Variants in MYRFL observed in about 807,000 individuals in gnomAD.
MYRFL encodes the protein myelin regulatory factor-like protein.
Under a neutral mutation model 109.4 loss-of-function variants are expected in MYRFL, and 88 were observed. That is an observed-to-expected ratio of 0.80 (90% CI 0.68 to 0.96). The LOEUF (loss-of-function observed/expected upper bound fraction) is 0.96. Among genes scored for constraint, MYRFL ranks in the 40% least tolerant of loss-of-function variants. The probability of loss-of-function intolerance (pLI) is 0.00; values close to 1 mark genes in which losing one functional copy is unlikely to be tolerated. For synonymous variants in MYRFL, 324 were observed against 320.9 expected (o/e 1.01, Z -0.10); for missense variants, 957 against 954.9 (o/e 1.00, Z -0.03).
intron 10 of MYRFL, among the ~76,000 whole-genome samples, chr12:69,899,447 T>G (rs1398504587): frequency 6.6e-6 from 1 of 151,764 alleles, no homozygotes; most frequent in African/African-American, 2.4e-5. Context: ...CAGCCAACAT[T>G]CTACAAAAGA....
chr12:69,873,843 CT>C (rs71094745), intron 2 of MYRFL, among the ~76,000 whole-genome samples: 147,528 of 149,892 alleles, frequency 0.98, 72,633 homozygotes, highest in Middle Eastern at 1. Flanking sequence ...ATTTGTCTGT[CT>C]TTTTTTTTTT....
intron 5 of MYRFL, among the ~76,000 whole-genome samples, chr12:69,883,615 C>A (rs892947703): frequency 1.3e-5 from 2 of 151,360 alleles, no homozygotes; most frequent in African/African-American, 4.9e-5. Flanking sequence ...GTAATCTCAG[C>A]ACTTTGGGAG....
chr12:69,831,736 C>G (rs556710954), intron 1 of MYRFL, among the ~76,000 whole-genome samples: 1 of 152,152 alleles, frequency 6.6e-6, no homozygotes, highest in East Asian at 1.9e-4. Flanking sequence ...GATTTCTATC[C>G]TTGTATGAGA....
intron 1 of MYRFL, among the ~76,000 whole-genome samples, chr12:69,852,546 G>T (rs1883934655): frequency 6.8e-6 from 1 of 147,592 alleles, no homozygotes. Context: ...TAGCTCAAAG[G>T]CTTGCAGGCA....
chr12:69,834,107 G>A, intron 1 of MYRFL, among the ~76,000 whole-genome samples: 1 of 152,122 alleles, frequency 6.6e-6, no homozygotes, highest in Non-Finnish European at 1.5e-5. Flanking sequence ...ACAGAGGAAA[G>A]TTAGGCAGCA....
rs1055806187 is a variant in MYRFL at position 69,879,040 on chromosome 12, C to G, written c.150C>G (p.Leu50=). 3 of 702,870 alleles carry G rather than the reference C, an allele frequency of 4.3e-6. No homozygotes were observed. The highest frequency in any genetic ancestry group is 3.5e-5 in the African/African-American group (2 of 57,262). 43.5% of individuals were successfully genotyped at this position (702,870 alleles called of 1,614,324 possible). A position where few individuals can be genotyped will look rare whatever the true frequency, so the allele number is the denominator to read the frequency against. ...CTCTAATCTTCAGGCAACGCCAGCT[C>G]CCAGACACCCCGCCCTATTCTGCAT... The part of the protein sequence containing the change: ...DFDLGALQRQ[L]PDTPPYSASD... Residue 50 remains leucine, a synonymous_variant, in exon 3 of 25, where the codon CTC becomes CTG. Coordinates refer to ENST00000552032, the MANE Select transcript of MYRFL (RefSeq NM_182530.3).
intron 11 of MYRFL, chr12:69,904,324 A>C: frequency 6.6e-6 from 1 of 152,408 alleles, no homozygotes; most frequent in Non-Finnish European, 1.5e-5. Context: ...TTCTCTAGGA[A>C]CTCTTGAGAA....
intron 19 of MYRFL, among the ~76,000 whole-genome samples, chr12:69,947,590 A>G (rs574753691): frequency 1.1e-4 from 16 of 152,342 alleles, no homozygotes; most frequent in South Asian, 4.1e-4. Context: ...CAGGAGAGTT[A>G]GATATTAAAA....
chr12:69,879,337 C>A lies in MYRFL; in HGVS notation c.348C>A (p.Gly116=), dbSNP rs1885907527. The part of the protein sequence containing the change: ...GMGDSCQIHG[G]FHSCHSNASH... ...GCGACTCCTGCCAAATCCACGGAGG[C>A]TTTCACAGCTGCCACTCAAACGCCA... Residue 116 remains glycine, a synonymous_variant, in exon 4 of 25, where the codon GGC becomes GGA. Coordinates refer to ENST00000552032, the MANE Select transcript of MYRFL (RefSeq NM_182530.3). 1.4e-6 allele frequency: 1 copy of A among 702,882 alleles called. No individual in the cohort carries two copies. The highest frequency in any genetic ancestry group is 2.6e-6 in the Non-Finnish European group (1 of 384,854). 43.5% of individuals were successfully genotyped at this position (702,882 alleles called of 1,614,324 possible).
intron 7 of MYRFL, among the ~76,000 whole-genome samples, chr12:69,891,600 T>TCTCTTTCTTTCTTTCTTTCCTCCTTC (rs1555249246): frequency 3.0e-5 from 4 of 134,798 alleles, no homozygotes; most frequent in South Asian, 5.0e-4. Context: ...TTTCTTTCTT[T>TCTCTTTCTTTCTTTCTTTCCTCCTTC]CTTTCTCTTT....
At chr12:69,854,333 T>C (rs899890803) in intron 1 of MYRFL, among the ~76,000 whole-genome samples, 2 of 95,448 alleles carry the variant, frequency 2.1e-5, no homozygotes, top group Non-Finnish European at 4.8e-5. Context: ...AGGGAGACCG[T>C]GGAGGGGGAG....
intron 22 of MYRFL, among the ~76,000 whole-genome samples, chr12:69,956,890 G>A (rs574841254): frequency 6.6e-6 from 1 of 152,124 alleles, no homozygotes; most frequent in South Asian, 2.1e-4. Flanking sequence ...TGAGTAACCT[G>A]GAATAACATT....
At chr12:69,828,321 A>G (rs1565956179) in intron 1 of MYRFL, among the ~76,000 whole-genome samples, 2 of 152,148 alleles carry the variant, frequency 1.3e-5, no homozygotes, top group East Asian at 3.8e-4. Flanking sequence ...TGGGGGATCA[A>G]TAGTTTCAGT....
chr12:69,895,510 G>A, intron 9 of MYRFL, 29 bp downstream of exon 9: 4 of 1,521,436 alleles, frequency 2.6e-6, no homozygotes, highest in Non-Finnish European at 3.5e-6. Context: ...GCATGGCAGT[G>A]TGGCTGGGTA....
chr12:69,956,722 T>G (rs1312821175), intron 22 of MYRFL, among the ~76,000 whole-genome samples: 1 of 152,154 alleles, frequency 6.6e-6, no homozygotes, highest in Non-Finnish European at 1.5e-5. Context: ...ACTTTGCCTC[T>G]GTGAGGAACC....
intron 13 of MYRFL, among the ~76,000 whole-genome samples, chr12:69,916,405 T>C (rs1257407691): frequency 6.6e-6 from 1 of 152,180 alleles, no homozygotes; most frequent in Middle Eastern, 3.2e-3. Context: ...ACTGAAAGTG[T>C]GGCCAAGGGA....
chr12:69,903,796 G>C lies in MYRFL; in HGVS notation c.1335G>C (p.Gly445=). 1.3e-6 allele frequency: 2 copies of C among 1,535,462 alleles called. No individual in the cohort carries two copies. Among genetic ancestry groups the C allele is most frequent in the Non-Finnish European group, 1.7e-6 (2 of 1,146,526 alleles). The change falls in exon 11 of 25, where the codon GGG becomes GGC. Residue 445 remains glycine (G), a synonymous_variant. Transcript: ENST00000552032. Reference sequence around the variant, plus strand: ...TCTGTGGCAACATGAAAGTGATGGGGACCATCATGCATCCCTCTGACAGCC... The same window carrying C: ...TCTGTGGCAACATGAAAGTGATGGGCACCATCATGCATCCCTCTGACAGCC... The part of the protein sequence containing the change: ...LVVCGNMKVM[G]TIMHPSDSRA...
chr12:69,874,976 A>C (rs1458309740), intron 2 of MYRFL, among the ~76,000 whole-genome samples: 224 of 151,154 alleles, frequency 1.5e-3, no homozygotes, highest in Non-Finnish European at 2.5e-3. Flanking sequence ...TAAAGATATA[A>C]ATGTATATAT....
At chr12:69,917,449 G>A (rs1026948789) in intron 13 of MYRFL, among the ~76,000 whole-genome samples, 24 of 133,124 alleles carry the variant, frequency 1.8e-4, no homozygotes, top group African/African-American at 6.4e-4. Context: ...AAATTTATGC[G>A]TTTTAAAACT....
Sources: gnomAD v4.1 joint callset for allele counts (sites outside exome capture counted in the v4.1 genomes callset) on GRCh38, gnomAD v4.1.1 for gene constraint, MANE v1.5 for transcripts, NCBI Gene and HGNC (gene_info 2026-07-23, HGNC 2026-07-21) for gene names.